PIRT: variants seen among roughly 807,000 people sequenced by gnomAD.
The protein encoded by PIRT is phosphoinositide interacting regulator of transient receptor potential channels.
Under a neutral mutation model 7.9 loss-of-function variants are expected in PIRT, and 6 were observed. That is an observed-to-expected ratio of 0.76 (90% CI 0.42 to 1.51). The LOEUF (loss-of-function observed/expected upper bound fraction) is 1.51. PIRT is among the 40% of genes most tolerant of loss of function. The probability of loss-of-function intolerance (pLI) is 0.01; values close to 1 mark genes in which losing one functional copy is unlikely to be tolerated. For missense variants in PIRT, 170 were observed against 172.9 expected (o/e 0.98, Z 0.09); for synonymous variants, 78 against 71.8 (o/e 1.09, Z -0.44).
intron 1 of PIRT, among the ~76,000 whole-genome samples, chr17:10,826,413 G>A (rs905126277): frequency 6.6e-6 from 1 of 152,186 alleles, no homozygotes; most frequent in African/African-American, 2.4e-5. Flanking sequence ...TTTTCAAAAC[G>A]GTGTGAGTTA....
chr17:10,825,240 T>C lies in PIRT; in HGVS notation c.406A>G (p.Thr136Ala). Residue 136 changes from threonine to alanine, a missense_variant, in exon 2 of 2, where the codon ACT (threonine) becomes GCT (alanine). Coordinates refer to ENST00000580256, the MANE Select transcript of PIRT (RefSeq NM_001101387.2). ...AGATGCGGAAACCACCATCAGCGAG[T>C]CAGGAAGAAGGACTTGAGGCTGCGT... ...FLRSLKSFFLTR is the reference protein window; with the variant it reads ...FLRSLKSFFLAR The C allele has an allele frequency of 1.2e-6, 2 of 1,613,160 alleles. No homozygotes were observed. The highest frequency in any genetic ancestry group is 1.7e-6 in the Non-Finnish European group (2 of 1,179,326).
At chr17:10,829,204 C>T (rs922319495) in intron 1 of PIRT, among the ~76,000 whole-genome samples, 3 of 151,876 alleles carry the variant, frequency 2.0e-5, no homozygotes, top group Non-Finnish European at 4.4e-5. Context: ...AGACATGGGG[C>T]GATATGATGG....
Position 10,825,497 on chromosome 17 carries a change from T to C in PIRT, c.149A>G (p.Glu50Gly), listed in dbSNP as rs1905291909. The change falls in exon 2 of 2, where the codon GAA becomes GGA. Residue 50 changes from glutamate to glycine, a missense_variant. Glu to Gly is a moderately conservative substitution (Grantham distance 98, BLOSUM62 -2). Coordinates refer to ENST00000580256, the MANE Select transcript of PIRT (RefSeq NM_001101387.2). The stretch of plus-strand genomic sequence containing the variant: ...GATAACGATGGGCTTGCGGTAGATT[T>C]CCCAGTTACTCCTGGGGGTGGTGGT... ...VWTTTPRSNWEIYRKPIVIMS... is the reference protein window; with the variant it reads ...VWTTTPRSNWGIYRKPIVIMS... The C allele has an allele frequency of 6.2e-7, 1 of 1,613,804 alleles. No homozygotes were observed. Among genetic ancestry groups the C allele is most frequent in the Non-Finnish European group, 8.5e-7 (1 of 1,179,838 alleles).
intron 1 of PIRT, among the ~76,000 whole-genome samples, chr17:10,833,993 G>C (rs191483694): frequency 2.6e-5 from 4 of 152,194 alleles, no homozygotes; most frequent in Non-Finnish European, 5.9e-5. Context: ...TGGTGTGAAC[G>C]TGGAACAACC....
chr17:10,828,546 G>A (rs1468485222), intron 1 of PIRT, among the ~76,000 whole-genome samples: 1 of 152,142 alleles, frequency 6.6e-6, no homozygotes, highest in East Asian at 1.9e-4. Flanking sequence ...GGGAAGGTGG[G>A]CTATTCATCC....
chr17:10,827,560 C>T (rs1240526366), intron 1 of PIRT, among the ~76,000 whole-genome samples: 14 of 143,328 alleles, frequency 9.8e-5, no homozygotes, highest in East Asian at 4.1e-4. Flanking sequence ...CTGCAACCTC[C>T]GCCTCCCAGG....
chr17:10,835,349 C>G (rs1482309137), intron 1 of PIRT, among the ~76,000 whole-genome samples: 2 of 152,218 alleles, frequency 1.3e-5, no homozygotes, highest in Non-Finnish European at 2.9e-5. Context: ...CCCACCCAGT[C>G]ACTCCTATGG....
Position 10,825,415 on chromosome 17 carries a change from G to A in PIRT, c.231C>T (p.Tyr77=). Residue 77 remains tyrosine (Y), a synonymous_variant, in exon 2 of 2, where the codon TAC becomes TAT. Coordinates refer to ENST00000580256, the MANE Select transcript of PIRT (RefSeq NM_001101387.2). ...GACTCTTGTCACTCAGCTTCAAGGT[G>A]TAGGCCAAGCAGGTGATGACCACGC... ...LFGVVITCLA[Y]TLKLSDKSLS... 1 of 1,613,996 alleles carries A rather than the reference G, an allele frequency of 6.2e-7. No homozygotes were observed. The highest frequency in any genetic ancestry group is 1.1e-5 in the South Asian group (1 of 91,072).
In PIRT at chr17:10,825,560, C is replaced by G. The variant is rs561790761; in HGVS notation, c.86G>C (p.Ser29Thr). 260 of 1,596,970 alleles carry G rather than the reference C, an allele frequency of 1.6e-4. 2 individuals carry two copies. In the South Asian group the frequency reaches 2.7e-3, roughly 17 times the overall value. ...GCTCCTGGAGCTGATGCACAGGGAG[C>G]TGGCGGTCTGGCTGGGCAGCAGGTC... ...AKDLLPSQTASSLCISSRSES... is the reference protein window; with the variant it reads ...AKDLLPSQTATSLCISSRSES... Residue 29 changes from serine to threonine, a missense_variant, in exon 2 of 2, where the codon AGC becomes ACC. Ser to Thr is a moderately conservative substitution (Grantham distance 58). Coordinates refer to ENST00000580256, the MANE Select transcript of PIRT (RefSeq NM_001101387.2).
At position 10,825,305 on chromosome 17, in the gene PIRT, A is replaced by G; in HGVS notation, c.341T>C (p.Ile114Thr). ...CTGTCTGTGCTTCTGTTTCTTTTTG[A>G]TGATGGGCACCCACACCAGCCCGCA... is the stretch of plus-strand genomic sequence containing the variant. ...LVCGLVWVPI[I>T]KKKQKHRQKS... Residue 114 changes from isoleucine to threonine, a missense_variant, in exon 2 of 2, where the codon ATC becomes ACC. Physicochemically the swap from Ile to Thr is moderately conservative, Grantham distance 89 (BLOSUM62 -1). Coordinates refer to ENST00000580256, the MANE Select transcript of PIRT (RefSeq NM_001101387.2). The G allele has an allele frequency of 6.2e-7, 1 of 1,613,904 alleles. No homozygotes were observed. The highest frequency in any genetic ancestry group is 8.5e-7 in the Non-Finnish European group (1 of 1,179,858).
chr17:10,826,215 C>T (rs988141334), intron 1 of PIRT, among the ~76,000 whole-genome samples: 2 of 152,146 alleles, frequency 1.3e-5, no homozygotes, highest in East Asian at 1.9e-4. Flanking sequence ...CCACCTGCCT[C>T]GGCCTCCCAA....
At position 10,825,544 on chromosome 17, in the gene PIRT, G is replaced by A; in HGVS notation, c.102C>T (p.Ser34=). ...TGGTCCAGACAGACTCGCTCCTGGA[G>A]CTGATGCACAGGGAGCTGGCGGTCT... ...PSQTASSLCI[S]SRSESVWTTT... is the part of the protein sequence containing the mutation. The change falls in exon 2 of 2, where the codon AGC becomes AGT. Residue 34 remains serine (S), a synonymous_variant. Transcript: ENST00000580256. 1 of 1,609,942 alleles carries A rather than the reference G, an allele frequency of 6.2e-7. No individual in the cohort carries two copies. The highest frequency in any genetic ancestry group is 8.5e-7 in the Non-Finnish European group (1 of 1,177,908).
chr17:10,827,943 G>C (rs554364959), intron 1 of PIRT, among the ~76,000 whole-genome samples: 1 of 152,156 alleles, frequency 6.6e-6, no homozygotes, highest in African/African-American at 2.4e-5. Context: ...CAAAGTTACT[G>C]CCCTGATTCA....
rs565817952 is a variant in PIRT, at chr17:10,823,383, G to A, written c.*1849C>T. ...AGTTCCCCAAACTCTGACTCCGTGG[G>A]TGGGTCAGGTAGGGGTGGTCCCCAT... is the stretch of plus-strand genomic sequence containing the variant. On this transcript the variant is annotated 3_prime_UTR_variant, in exon 2 of 2. Coordinates refer to ENST00000580256, the MANE Select transcript of PIRT (RefSeq NM_001101387.2). 1 of 152,440 alleles carries A rather than the reference G, an allele frequency of 6.6e-6. No homozygotes were observed. The highest frequency in any genetic ancestry group is 2.1e-4 in the South Asian group (1 of 4,830). 9.4% of individuals were successfully genotyped at this position (152,440 alleles called of 1,614,324 possible). A position where few individuals can be genotyped will look rare whatever the true frequency, so the allele number is the denominator to read the frequency against.
chr17:10,837,625 G>T (rs1479149132), intron 1 of PIRT, among the ~76,000 whole-genome samples: 1 of 152,186 alleles, frequency 6.6e-6, no homozygotes. Flanking sequence ...TCCCACAATG[G>T]CTGCTAAGAG....
At chr17:10,828,322 T>C (rs896062394) in intron 1 of PIRT, among the ~76,000 whole-genome samples, 1 of 152,126 alleles carries the variant, frequency 6.6e-6, no homozygotes, top group Admixed American at 6.5e-5. Flanking sequence ...AGGCTTCTGC[T>C]CTTTCTGCCT....
chr17:10,832,321 T>G (rs566542757), intron 1 of PIRT, among the ~76,000 whole-genome samples: 25 of 152,288 alleles, frequency 1.6e-4, no homozygotes, highest in African/African-American at 5.5e-4. Context: ...GCCTCCCAAG[T>G]AGCTGGGATT....
chr17:10,829,019 G>A (rs1259304445), intron 1 of PIRT, among the ~76,000 whole-genome samples: 1 of 152,228 alleles, frequency 6.6e-6, no homozygotes, highest in Non-Finnish European at 1.5e-5. Context: ...CATAAGCAAA[G>A]TAGCCATTTA....
At chr17:10,836,283 C>T (rs1029400949) in intron 1 of PIRT, among the ~76,000 whole-genome samples, 1 of 152,276 alleles carries the variant, frequency 6.6e-6, no homozygotes, top group South Asian at 2.1e-4. Flanking sequence ...GCCTTCCTTG[C>T]ATTCTACCAC....
Sources: gnomAD v4.1 joint callset for allele counts (sites outside exome capture counted in the v4.1 genomes callset) on GRCh38, gnomAD v4.1.1 for gene constraint, MANE v1.5 for transcripts, NCBI Gene and HGNC (gene_info 2026-07-23, HGNC 2026-07-21) for gene names.